RBMS3: variants seen among roughly 807,000 people sequenced by gnomAD.
RBMS3 encodes RNA-binding motif, single-stranded-interacting protein 3.
Under a neutral mutation model 66.8 loss-of-function variants are expected in RBMS3, and 27 were observed. That is an observed-to-expected ratio of 0.40 (90% CI 0.30 to 0.56). The LOEUF is 0.56. RBMS3 is among the 20% of genes least tolerant of loss of function. The pLI is 0.40. For synonymous variants in RBMS3, 188 were observed against 183.0 expected, an observed-to-expected ratio of 1.03 and a Z score of -0.22; for missense variants, 513 against 549.5, an observed-to-expected ratio of 0.93 and a Z score of 0.66.
intron 12 of RBMS3, among the ~76,000 whole-genome samples, chr3:29,977,163 T>TATAA (rs1161919665): frequency 3.3e-5 from 5 of 152,102 alleles, no homozygotes; most frequent in Non-Finnish European, 7.4e-5. Context: ...CTTCATCAGT[T>TATAA]TTATAGCAAG....
At chr3:29,733,911 A>AT (rs2054248687) in intron 4 of RBMS3, among the ~76,000 whole-genome samples, 1 of 151,930 alleles carries the variant, frequency 6.6e-6, no homozygotes, top group Non-Finnish European at 1.5e-5. Context: ...CCGTTTTGAG[A>AT]TTTTGAGTTG....
At chr3:29,865,573 T>C (rs2059340034) in intron 6 of RBMS3, among the ~76,000 whole-genome samples, 1 of 152,116 alleles carries the variant, frequency 6.6e-6, no homozygotes, top group South Asian at 2.1e-4. Context: ...GTTGGTCTCT[T>C]TTTAAATATA....
intron 1 of RBMS3, among the ~76,000 whole-genome samples, chr3:29,396,321 C>CA (rs947878273): frequency 6.6e-5 from 10 of 151,998 alleles, no homozygotes; most frequent in African/African-American, 2.4e-4. Context: ...AGACAAAAAC[C>CA]AAAGACATGT....
intron 10 of RBMS3, among the ~76,000 whole-genome samples, chr3:29,914,651 A>G (rs1455668681): frequency 2.0e-5 from 3 of 152,006 alleles, no homozygotes; most frequent in South Asian, 2.1e-4. Context: ...CTAATTATGT[A>G]TTGTATTACA....
chr3:29,898,322 AAG>A (rs1381806530), intron 9 of RBMS3, among the ~76,000 whole-genome samples: 4 of 151,728 alleles, frequency 2.6e-5, no homozygotes, highest in Non-Finnish European at 4.4e-5. Flanking sequence ...GAGAAAGAGA[AAG>A]AGAGAATGCA....
chr3:29,599,692 G>A (rs1410656520), intron 4 of RBMS3, among the ~76,000 whole-genome samples: 3 of 152,014 alleles, frequency 2.0e-5, no homozygotes, highest in African/African-American at 7.2e-5. Context: ...GTAGCAGGGA[G>A]GCTTGGTTAA....
intron 6 of RBMS3, among the ~76,000 whole-genome samples, chr3:29,802,164 C>A (rs978345256): frequency 1.2e-4 from 19 of 152,146 alleles, no homozygotes; most frequent in African/African-American, 4.3e-4. Flanking sequence ...TGACAGCAAG[C>A]CTGAGTATAA....
chr3:29,681,088 C>T (rs984982478), intron 4 of RBMS3, among the ~76,000 whole-genome samples: 5 of 152,148 alleles, frequency 3.3e-5, no homozygotes, highest in African/African-American at 9.7e-5. Context: ...GCTGTGGGGG[C>T]TGACATGTTC....
At chr3:29,860,958 G>A (rs2059198027) in intron 6 of RBMS3, among the ~76,000 whole-genome samples, 1 of 152,006 alleles carries the variant, frequency 6.6e-6, no homozygotes, top group African/African-American at 2.4e-5. Flanking sequence ...CCGCCTCCCC[G>A]GTTCACGCCA....
intron 6 of RBMS3, among the ~76,000 whole-genome samples, chr3:29,848,619 C>G (rs751082509): frequency 2.0e-5 from 3 of 152,184 alleles, no homozygotes; most frequent in Non-Finnish European, 4.4e-5. Flanking sequence ...ACAATATGGA[C>G]AAACCATGAA....
At chr3:29,369,486 TAACA>T (rs2038078075) in intron 1 of RBMS3, among the ~76,000 whole-genome samples, 2 of 72,288 alleles carry the variant, frequency 2.8e-5, no homozygotes, top group African/African-American at 1.1e-4. Flanking sequence ...CATCACTCCT[TAACA>T]CACACACACA....
chr3:29,447,676 A>G (rs969738610), intron 2 of RBMS3, among the ~76,000 whole-genome samples: 2 of 152,210 alleles, frequency 1.3e-5, no homozygotes, highest in Non-Finnish European at 2.9e-5. Context: ...ATGAGAACTT[A>G]CCCAATATAA....
At chr3:29,752,327 A>G (rs1015546317) in intron 5 of RBMS3, among the ~76,000 whole-genome samples, 1 of 151,832 alleles carries the variant, frequency 6.6e-6, no homozygotes, top group African/African-American at 2.4e-5. Flanking sequence ...TGGAGTTTTT[A>G]TGGGTACAGG....
chr3:29,908,861 C>G (rs951012573), intron 10 of RBMS3, among the ~76,000 whole-genome samples: 2 of 151,856 alleles, frequency 1.3e-5, no homozygotes, highest in Non-Finnish European at 2.9e-5. Flanking sequence ...ATTATATGCT[C>G]AGGATAATTT....
intron 6 of RBMS3, among the ~76,000 whole-genome samples, chr3:29,790,198 G>A (rs936734872): frequency 1.3e-5 from 2 of 151,950 alleles, no homozygotes; most frequent in African/African-American, 2.4e-5. Context: ...TTTCAAGGAC[G>A]ACTTTAAAAA....
At chr3:29,862,574 A>G (rs549792629) in intron 6 of RBMS3, among the ~76,000 whole-genome samples, 1 of 152,182 alleles carries the variant, frequency 6.6e-6, no homozygotes, top group Non-Finnish European at 1.5e-5. Flanking sequence ...GCTGGGAGTC[A>G]AAGAGGGCTT....
chr3:29,929,896 T>C (rs2061062834), intron 10 of RBMS3, among the ~76,000 whole-genome samples: 1 of 151,866 alleles, frequency 6.6e-6, no homozygotes, highest in African/African-American at 2.4e-5. Flanking sequence ...GTTTGCCCCA[T>C]TTCCAAAATA....
intron 1 of RBMS3, among the ~76,000 whole-genome samples, chr3:29,383,041 G>A (rs949929766): frequency 2.0e-5 from 3 of 152,102 alleles, no homozygotes; most frequent in African/African-American, 7.2e-5. Flanking sequence ...GCATGACTTG[G>A]GGAAATATAC....
intron 6 of RBMS3, among the ~76,000 whole-genome samples, chr3:29,787,441 A>G (rs1193881747): frequency 1.3e-5 from 2 of 152,026 alleles, no homozygotes; most frequent in African/African-American, 4.8e-5. Flanking sequence ...CCAAATGCCC[A>G]CCAATCAATG....
Sources: gnomAD v4.1 joint callset for allele counts (sites outside exome capture counted in the v4.1 genomes callset) on GRCh38, gnomAD v4.1.1 for gene constraint, MANE v1.5 for transcripts, NCBI Gene and HGNC (gene_info 2026-07-23, HGNC 2026-07-21) for gene names.